Variants in DNAI2 observed in about 807,000 individuals in gnomAD.
The protein encoded by DNAI2 is dynein axonemal intermediate chain 2.
Under a neutral mutation model 74.7 loss-of-function variants are expected in DNAI2, and 63 were observed. The ratio of observed to expected loss-of-function variants is 0.84; its 90% CI spans 0.69 to 1.04. The LOEUF is 1.04. Among genes scored for constraint, DNAI2 ranks in the 50% least tolerant of loss-of-function variants. The pLI, the probability that DNAI2 is intolerant of heterozygous loss-of-function variation, is 0.00. For synonymous variants in DNAI2, 289 were observed against 314.9 expected, an observed-to-expected ratio of 0.92 and a Z score of 0.87; for missense variants, 688 against 803.2, an observed-to-expected ratio of 0.86 and a Z score of 1.73.
chr17:74,277,618 G>T (rs1202942064), intron 1 of DNAI2, among the ~76,000 whole-genome samples: 1 of 152,216 alleles, frequency 6.6e-6, no homozygotes, highest in Admixed American at 6.5e-5. Context: ...GGGGCACACA[G>T]CTCCTGCCCT....
intron 8 of DNAI2, among the ~76,000 whole-genome samples, chr17:74,303,344 C>T (rs986190758): frequency 3.3e-5 from 5 of 152,158 alleles, no homozygotes; most frequent in African/African-American, 1.2e-4. Flanking sequence ...CTCTGGCTCA[C>T]TGACGGGCGG....
At chr17:74,308,810 A>G (rs1237931302) in intron 9 of DNAI2, among the ~76,000 whole-genome samples, 10 of 151,914 alleles carry the variant, frequency 6.6e-5, no homozygotes, top group Admixed American at 6.6e-4. Flanking sequence ...GCACATGACC[A>G]GCCCAGAGCC....
chr17:74,296,344 GA>G, intron 6 of DNAI2, among the ~76,000 whole-genome samples: 2 of 121,082 alleles, frequency 1.7e-5, no homozygotes, highest in Non-Finnish European at 3.9e-5. Context: ...GAGAGAGAGA[GA>G]GGAGAGAGAG....
chr17:74,291,037 G>A lies in DNAI2; in HGVS notation c.628G>A (p.Glu210Lys). ...CTTTATAGAAAACCCCAACAAGCCT[G>A]AACTTGCTCTGAAGCCATCGTCTCC... ...IWDLENPNKPELALKPSSPLV... is the reference protein window; with the variant it reads ...IWDLENPNKPKLALKPSSPLV... Residue 210 changes from glutamate (E) to lysine (K), a missense_variant, in exon 6 of 14, where the codon GAA becomes AAA. Coordinates refer to ENST00000311014, the MANE Select transcript of DNAI2 (RefSeq NM_023036.6). 1.9e-6 allele frequency: 3 copies of A among 1,614,186 alleles called. No individual in the cohort carries two copies. The highest frequency in any genetic ancestry group is 2.5e-6 in the Non-Finnish European group (3 of 1,180,028).
chr17:74,308,570 G>T (rs1260048213), intron 9 of DNAI2, among the ~76,000 whole-genome samples: 1 of 152,012 alleles, frequency 6.6e-6, no homozygotes, highest in Non-Finnish European at 1.5e-5. Context: ...TGCCCAGGCT[G>T]GAGTACAGTG....
chr17:74,311,092 TGAAACTCCA>T (rs2053494892), intron 11 of DNAI2, among the ~76,000 whole-genome samples: 1 of 151,970 alleles, frequency 6.6e-6, no homozygotes, highest in African/African-American at 2.4e-5. Context: ...CAGGCTGGTC[TGAAACTCCA>T]GGGCTCAAGC....
At chr17:74,305,481 A>G in intron 9 of DNAI2, 39 bp downstream of exon 9, 1 of 1,596,392 alleles carries the variant, frequency 6.3e-7, no homozygotes, top group Non-Finnish European at 8.6e-7. Flanking sequence ...GATGCAGGAG[A>G]CAGGAGGGGA....
intron 6 of DNAI2, among the ~76,000 whole-genome samples, chr17:74,299,062 C>A (rs141165687): frequency 6.6e-6 from 1 of 152,210 alleles, no homozygotes; most frequent in Non-Finnish European, 1.5e-5. Context: ...CTAGAAACAG[C>A]TCTGAGTGAC....
rs147072746 is a variant in DNAI2 at position 74,288,029 on chromosome 17, C to A, written c.467+931C>A. Among the ~76,000 whole-genome samples, 86 of 152,060 alleles carry A rather than the reference C, an allele frequency of 5.7e-4. 1 individual carries two copies. In the East Asian group the frequency reaches 0.014, roughly 24 times the overall value. On this transcript the variant is annotated intron_variant, in intron 4 of 13. Coordinates refer to ENST00000311014, the MANE Select transcript of DNAI2 (RefSeq NM_023036.6). The stretch of plus-strand genomic sequence containing the variant: ...TTTCCAGGATTCAGTATGTGAAAAC[C>A]AAACCAAAACAAAGCCGGTGCAGAA...
chr17:74,304,648 A>G (rs2053074479), intron 8 of DNAI2, among the ~76,000 whole-genome samples: 1 of 152,146 alleles, frequency 6.6e-6, no homozygotes, highest in Admixed American at 6.5e-5. Context: ...CATGTCAGAC[A>G]AGCTCGTGCC....
intron 2 of DNAI2, among the ~76,000 whole-genome samples, chr17:74,283,803 T>C (rs1021779853): frequency 2.6e-5 from 4 of 151,708 alleles, no homozygotes; most frequent in African/African-American, 9.7e-5. Context: ...TCCCAGCTAC[T>C]TGGGAGTCTG....
rs762652711 is a variant in DNAI2 at position 74,305,383 on chromosome 17, C to T, written c.1152C>T (p.Gly384=). Residue 384 remains glycine, a synonymous_variant, in exon 9 of 14, where the codon GGC becomes GGT. Transcript: ENST00000311014. ...PFYPKNFLTV[G]DWTARIWSED... ...ACCCGAAGAACTTCCTGACGGTTGG[C>T]GACTGGACAGCCCGCATTTGGTCTG... 33 of 1,614,154 alleles carry T rather than the reference C, an allele frequency of 2.0e-5. No homozygotes were observed. The Middle Eastern group carries it at 4.9e-4, about 24-fold the overall frequency.
intron 9 of DNAI2, among the ~76,000 whole-genome samples, chr17:74,306,060 C>T (rs1003768252): frequency 3.9e-5 from 6 of 152,208 alleles, no homozygotes; most frequent in African/African-American, 1.4e-4. Context: ...GGGAACTGGG[C>T]TACAGAAAGG....
At chr17:74,295,638 G>A (rs188058840) in intron 6 of DNAI2, among the ~76,000 whole-genome samples, 9 of 116,594 alleles carry the variant, frequency 7.7e-5, no homozygotes, top group African/African-American at 2.1e-4. Flanking sequence ...TTCTTGGCAT[G>A]TCTTATAATT....
At chr17:74,287,800 C>T (rs561540806) in intron 4 of DNAI2, among the ~76,000 whole-genome samples, 168 of 152,244 alleles carry the variant, frequency 1.1e-3, no homozygotes, top group African/African-American at 3.6e-3. Context: ...ACTAAAAATA[C>T]AAAAATTAAC....
chr17:74,292,427 T>C (rs1364343014), intron 6 of DNAI2, among the ~76,000 whole-genome samples: 3 of 149,700 alleles, frequency 2.0e-5, no homozygotes, highest in Non-Finnish European at 4.5e-5. Flanking sequence ...TTTTTTTTTT[T>C]TTTTTTTGAG....
At chr17:74,286,863 G>GTGGA in intron 3 of DNAI2, 114 bp from the exon 4 acceptor site, 4 of 1,384,196 alleles carry the variant, frequency 2.9e-6, no homozygotes, top group Non-Finnish European at 4.1e-6. Context: ...ACATGGTTAG[G>GTGGA]TGGATGGGAA....
intron 12 of DNAI2, 36 bp from the exon 13 acceptor site, chr17:74,314,085 C>T: frequency 6.2e-7 from 1 of 1,612,758 alleles, no homozygotes; most frequent in African/African-American, 1.3e-5. Flanking sequence ...CTGTCCCCTA[C>T]CAACACCAAC....
At chr17:74,305,179 G>T (rs1411663677) in intron 8 of DNAI2, 40 bp from the exon 9 acceptor site, 1 of 1,606,040 alleles carries the variant, frequency 6.2e-7, no homozygotes, top group Non-Finnish European at 8.5e-7. Context: ...AGAATTGATG[G>T]TTCGTGGAGT....
Sources: gnomAD v4.1 joint callset for allele counts (sites outside exome capture counted in the v4.1 genomes callset) on GRCh38, gnomAD v4.1.1 for gene constraint, MANE v1.5 for transcripts, NCBI Gene and HGNC (gene_info 2026-07-23, HGNC 2026-07-21) for gene names.